DNAH1: variants seen among roughly 807,000 people sequenced by gnomAD.
DNAH1 encodes dynein axonemal heavy chain 1.
DNAH1 carries 327 observed loss-of-function variants against 484.3 expected under a neutral mutation model. The observed-to-expected ratio is 0.68, with a 90% CI of 0.62 to 0.74. The LOEUF (loss-of-function observed/expected upper bound fraction) is 0.74, where lower values mean the gene tolerates loss of function less well. Among genes scored for constraint, DNAH1 ranks in the 30% least tolerant of loss-of-function variants. The pLI is 0.00. For synonymous variants in DNAH1, 2,192 were observed against 2,191.9 expected, an observed-to-expected ratio of 1.00 and a Z score of 0.00; for missense variants, 5,052 against 5,546.8, an observed-to-expected ratio of 0.91 and a Z score of 2.83.
chr3:52,388,566 T>TGAAGTGTGA lies in DNAH1; in HGVS notation c.9322_9330dup (p.Lys3108_Glu3110dup). The TGAAGTGTGA allele has an allele frequency of 6.2e-7, 1 of 1,612,920 alleles. No individual in the cohort carries two copies. The highest frequency in any genetic ancestry group is 1.1e-5 in the South Asian group (1 of 90,946). ...ATTACCAAGAAGGAGGAGCTGGAGC[T>TGAAGTGTGA]GAAGTGTGAGCAGTGTGAGCAGCGG... On this transcript the variant is annotated inframe_insertion, in exon 58 of 78. Transcript: ENST00000420323.
At chr3:52,311,875 G>A (rs112145623), upstream of DNAH1, among the ~76,000 whole-genome samples, 278 of 152,306 alleles carry the variant, frequency 1.8e-3, 1 homozygote, top group African/African-American at 6.4e-3. Context: ...CTCTGGGCCC[G>A]CCAAAGCCGG....
upstream of DNAH1, among the ~76,000 whole-genome samples, chr3:52,315,426 G>T (rs999374742): frequency 3.3e-5 from 5 of 152,246 alleles, no homozygotes; most frequent in African/African-American, 4.8e-5. Flanking sequence ...CAGCCAGCAA[G>T]GAGACACAGG....
Position 52,327,275 on chromosome 3 carries a change from G to A in DNAH1, c.738+384G>A, listed in dbSNP as rs539945797. Among the ~76,000 whole-genome samples, 7 of 152,254 alleles carry A rather than the reference G, an allele frequency of 4.6e-5. No individual in the cohort carries two copies. In the South Asian group the frequency reaches 1.5e-3, roughly 32 times the overall value. On this transcript the variant is annotated intron_variant, in intron 5 of 77. Coordinates refer to ENST00000420323, the MANE Select transcript of DNAH1 (RefSeq NM_015512.5). ...AAATGGGAAGAGCAGGGATGGAAGA[G>A]GGAATCAGTGCCACCCCCGTGGGGT...
At chr3:52,328,872 C>A (rs1447951474) in intron 6 of DNAH1, among the ~76,000 whole-genome samples, 1 of 152,180 alleles carries the variant, frequency 6.6e-6, no homozygotes, top group Non-Finnish European at 1.5e-5. Context: ...GGTGGGTGGA[C>A]AAGATGCTGT....
In DNAH1 at chr3:52,364,226, CA is replaced by C. The variant is rs1702978023; in HGVS notation, c.5245-411del. ...GGGGGAAAAAGCATGGTGGTGTGGC[CA>C]GAAAGACGGGTCTGGAGAGATGTTA... is the stretch of plus-strand genomic sequence containing the variant. On this transcript the variant is annotated intron_variant, in intron 32 of 77. Coordinates refer to ENST00000420323, the MANE Select transcript of DNAH1 (RefSeq NM_015512.5). The surrounding 1 kb of genome is among the most constrained non-coding windows in gnomAD (Gnocchi z 4.2). 6.6e-6 allele frequency among the ~76,000 whole-genome samples: 1 copy of C among 152,128 alleles called. No individual in the cohort carries two copies. Among genetic ancestry groups the C allele is most frequent in the Non-Finnish European group, 1.5e-5 (1 of 68,026 alleles).
chr3:52,323,763 C>T (rs1176555464), intron 2 of DNAH1, 45 bp from the exon 3 acceptor site: 1 of 1,527,274 alleles, frequency 6.5e-7, no homozygotes, highest in South Asian at 1.2e-5. Flanking sequence ...CCTGCCTGTC[C>T]CTGGGAGGTT....
At chr3:52,388,648 G>A (rs377728752) in intron 58 of DNAH1, 39 bp downstream of exon 58, 548 of 1,611,284 alleles carry the variant, frequency 3.4e-4, no homozygotes, top group East Asian at 5.8e-4. Flanking sequence ...AAGCGGGCCC[G>A]GCCCAGACAG....
In DNAH1 at chr3:52,383,464, G is replaced by T; in HGVS notation, c.8020G>T (p.Glu2674Ter). The change falls in exon 51 of 78, where the codon GAG (glutamate) becomes TAG (stop). Residue 2674 changes from glutamate (E) to a stop codon, truncating the protein, a stop_gained. Coordinates refer to ENST00000420323, the MANE Select transcript of DNAH1 (RefSeq NM_015512.5). LOFTEE classifies it high-confidence loss of function. The part of the protein sequence containing the change: ...GDIPNLYTAD[E>*]QDQIVSTMRP... ...CATTCCCAATCTGTATACTGCGGAC[G>T]AGCAGGACCAGATCGTCAGCACCAT... is the stretch of plus-strand genomic sequence containing the variant. 1 of 1,613,994 alleles carries T rather than the reference G, an allele frequency of 6.2e-7. No homozygotes were observed. The highest frequency in any genetic ancestry group is 1.1e-5 in the South Asian group (1 of 91,060).
Position 52,395,141 on chromosome 3 carries a change from GACT to G in DNAH1, c.10968+86_10968+88del. Reference sequence around the variant, plus strand: ...CCAGGGCCCTGGCTGCATCTGGATAGACTACTTGGCCAGGCCAGGACCCCTGCT... The same window carrying G: ...CCAGGGCCCTGGCTGCATCTGGATAGACTTGGCCAGGCCAGGACCCCTGCT... On this transcript the variant is annotated intron_variant, in intron 68 of 77. Coordinates refer to ENST00000420323, the MANE Select transcript of DNAH1 (RefSeq NM_015512.5). The surrounding 1 kb of genome is among the most constrained non-coding windows in gnomAD (Gnocchi z 4.4). The G allele has an allele frequency of 6.5e-7, 1 of 1,530,158 alleles. No individual in the cohort carries two copies. 94.8% of individuals were successfully genotyped at this position (1,530,158 alleles called of 1,614,324 possible). A position where few individuals can be genotyped will look rare whatever the true frequency, so the allele number is the denominator to read the frequency against.
rs772359378 is a variant in DNAH1 at position 52,361,780 on chromosome 3, A to G, written c.4980+14A>G. 14 of 1,587,488 alleles carry G rather than the reference A, an allele frequency of 8.8e-6. No homozygotes were observed. Among genetic ancestry groups the G allele is most frequent in the Non-Finnish European group, 1.1e-5 (13 of 1,167,646 alleles). On this transcript the variant is annotated intron_variant, in intron 30 of 77. Coordinates refer to ENST00000420323, the MANE Select transcript of DNAH1 (RefSeq NM_015512.5). This position sits in a 1 kb window ranked among gnomAD's most constrained non-coding sequence, Gnocchi z 5.6. ...CAGCAGCAGCGGGTGAGCCCGGGGG[A>G]CCCACCTTACTCCCTCAGATCTGCC...
rs1423790601 is a variant in DNAH1 at position 52,322,642 on chromosome 3, C to T, written c.200C>T (p.Ala67Val). The change falls in exon 2 of 78, where the codon GCC becomes GTC. Residue 67 changes from alanine (A) to valine (V), a missense_variant. This residue lies in a region of DNAH1 where 1,263 missense variants were observed against 1,218.8 expected (regional missense o/e 1.04). Coordinates refer to ENST00000420323, the MANE Select transcript of DNAH1 (RefSeq NM_015512.5). ...PKLPHLPLPP[A>V]PPTLSDLGQP... ...CTCCCACATTTACCCCTGCCCCCGG[C>T]CCCACCCACACTCTCAGACTTGGGG... The T allele has an allele frequency of 1.2e-6, 2 of 1,613,930 alleles. No homozygotes were observed. Among genetic ancestry groups the T allele is most frequent in the Non-Finnish European group, 1.7e-6 (2 of 1,179,850 alleles).
At chr3:52,352,781 G>A in intron 18 of DNAH1, 74 bp downstream of exon 18, 1 of 1,525,364 alleles carries the variant, frequency 6.6e-7, no homozygotes, top group Non-Finnish European at 8.8e-7. Flanking sequence ...GCAGCTGCCA[G>A]GAGGCAGGGC....
intron 1 of DNAH1, among the ~76,000 whole-genome samples, chr3:52,320,732 G>C (rs192509420): frequency 2.0e-5 from 3 of 152,262 alleles, no homozygotes; most frequent in Admixed American, 2.0e-4. Context: ...GGCCAGGGAA[G>C]GGGGGCTTGC....
In DNAH1 at chr3:52,362,575, G is replaced by A. The variant is rs1404756825; in HGVS notation, c.5094+74G>A. ...AGTTCAGAGATGCTAAGCCACTTAT[G>A]CAAGGACACAGTTGCTTGGACTCCA... On this transcript the variant is annotated intron_variant, in intron 31 of 77. Coordinates refer to ENST00000420323, the MANE Select transcript of DNAH1 (RefSeq NM_015512.5). This position sits in a 1 kb window ranked among gnomAD's most constrained non-coding sequence, Gnocchi z 5.1. 1 of 1,326,670 alleles carries A rather than the reference G, an allele frequency of 7.5e-7. No homozygotes were observed. Among genetic ancestry groups the A allele is most frequent in the Non-Finnish European group, 1.1e-6 (1 of 945,942 alleles). 82.2% of individuals were successfully genotyped at this position (1,326,670 alleles called of 1,614,324 possible). A position where few individuals can be genotyped will look rare whatever the true frequency, so the allele number is the denominator to read the frequency against.
At position 52,394,547 on chromosome 3, in the gene DNAH1, C is replaced by G. The variant is rs1704533200; in HGVS notation, c.10709C>G (p.Ala3570Gly). ...NPAPDWLSDR[A>G]WRDILALSNL... ...GCACCGGACTGGCTGTCAGACCGGGCTTGGCGAGACATCCTAGCACTCTCG... is the reference window on the plus strand; with the variant it reads ...GCACCGGACTGGCTGTCAGACCGGGGTTGGCGAGACATCCTAGCACTCTCG... Residue 3570 changes from alanine to glycine, a missense_variant, in exon 67 of 78, where the codon GCT becomes GGT. Transcript: ENST00000420323. 4 of 1,613,858 alleles carry G rather than the reference C, an allele frequency of 2.5e-6. 1 individual carries two copies. The highest frequency in any genetic ancestry group is 3.3e-4 in the Middle Eastern group (2 of 6,084).
Position 52,357,933 on chromosome 3 carries a change from T to A in DNAH1, c.4016T>A (p.Ile1339Asn). 1.9e-6 allele frequency: 3 copies of A among 1,613,142 alleles called. No individual in the cohort carries two copies. Among genetic ancestry groups the A allele is most frequent in the Non-Finnish European group, 2.5e-6 (3 of 1,179,748 alleles). ...YFLSDDELLEILSQTKDPTAV... is the reference protein window; with the variant it reads ...YFLSDDELLENLSQTKDPTAV... The stretch of plus-strand genomic sequence containing the variant: ...CTGTCAGATGATGAACTACTAGAGA[T>A]CTTGTCGCAGACAAAGGACCCCACG... Residue 1339 changes from isoleucine to asparagine, a missense_variant, in exon 24 of 78, where the codon ATC (isoleucine) becomes AAC (asparagine). This residue lies in a region of DNAH1 where 2,929 missense variants were observed against 3,409.4 expected (regional missense o/e 0.86). Transcript: ENST00000420323.
chr3:52,346,734 T>G lies in DNAH1; in HGVS notation c.1919T>G (p.Met640Arg). 6.2e-7 allele frequency: 1 copy of G among 1,609,116 alleles called. No individual in the cohort carries two copies. Among genetic ancestry groups the G allele is most frequent in the South Asian group, 1.1e-5 (1 of 90,988 alleles). The change falls in exon 11 of 78, where the codon ATG becomes AGG. Residue 640 changes from methionine (M) to arginine (R), a missense_variant. Met to Arg is a moderately conservative substitution (Grantham distance 91). Coordinates refer to ENST00000420323, the MANE Select transcript of DNAH1 (RefSeq NM_015512.5). ...CCSVLNCTDD[M>R]VWGDDLINSP... The stretch of plus-strand genomic sequence containing the variant: ...AGCGTGCTCAACTGCACCGATGACA[T>G]GGTCTGGGGTGACGACTTAATTAAC...
intron 3 of DNAH1, among the ~76,000 whole-genome samples, chr3:52,324,366 G>A (rs1384795412): frequency 6.6e-6 from 1 of 152,168 alleles, no homozygotes; most frequent in African/African-American, 2.4e-5. Flanking sequence ...CTAGGGTGGC[G>A]AGGACTGGGA....
rs767604037 is a variant in DNAH1, at chr3:52,349,467, A to G, written c.2526+47A>G. On this transcript the variant is annotated intron_variant, in intron 14 of 77. Coordinates refer to ENST00000420323, the MANE Select transcript of DNAH1 (RefSeq NM_015512.5). Reference sequence around the variant, plus strand: ...CTCAGTGACCACAGCAGCACACACCACAGCAGCACACACGGACCCTCACAT... The same window carrying G: ...CTCAGTGACCACAGCAGCACACACCGCAGCAGCACACACGGACCCTCACAT... 4 of 1,537,094 alleles carry G rather than the reference A, an allele frequency of 2.6e-6. No homozygotes were observed. The South Asian group carries it at 3.4e-5, about 13-fold the overall frequency.
Sources: gnomAD v4.1 joint callset for allele counts (sites outside exome capture counted in the v4.1 genomes callset) on GRCh38, gnomAD v4.1.1 for gene constraint, gnomAD v4.1.1 regional missense constraint, Gnocchi (gnomAD v3.1) non-coding constraint, MANE v1.5 for transcripts, NCBI Gene and HGNC (gene_info 2026-07-23, HGNC 2026-07-21) for gene names.